The following ANKRD36 variants were observed in gnomAD, a reference collection of about 807,000 sequenced individuals.
ANKRD36 encodes the protein ankyrin repeat domain 36.
Under a neutral mutation model 278.1 loss-of-function variants are expected in ANKRD36, and 179 were observed. The ratio of observed to expected loss-of-function variants is 0.64; its 90% CI spans 0.57 to 0.73. The LOEUF is 0.73. Among genes scored for constraint, ANKRD36 ranks in the 30% least tolerant of loss-of-function variants. The probability of loss-of-function intolerance (pLI) is 0.00; values close to 1 mark genes in which losing one functional copy is unlikely to be tolerated. For missense variants in ANKRD36, 1,159 were observed against 1,956.7 expected (o/e 0.59, Z 7.69); for synonymous variants, 320 against 641.1 (o/e 0.50, Z 7.57).
At chr2:97,178,925 C>A (rs1046398648) in intron 22 of ANKRD36, among the ~76,000 whole-genome samples, 2 of 151,632 alleles carry the variant, frequency 1.3e-5, no homozygotes, top group Non-Finnish European at 2.9e-5. Flanking sequence ...CATTACTTGA[C>A]TCCCAAATGG....
At chr2:97,196,087 A>G (rs1254318687) in intron 40 of ANKRD36, among the ~76,000 whole-genome samples, 6 of 151,982 alleles carry the variant, frequency 3.9e-5, no homozygotes, top group Admixed American at 1.3e-4. Flanking sequence ...GGACACTTCC[A>G]CTGAAGAGAT....
intron 6 of ANKRD36, among the ~76,000 whole-genome samples, chr2:97,131,489 G>A (rs2040139421): frequency 6.6e-6 from 1 of 151,988 alleles, no homozygotes; most frequent in Non-Finnish European, 1.5e-5. Context: ...ACGAGCCATC[G>A]TGCTGGTCTA....
chr2:97,159,132 A>T (rs377120321), intron 17 of ANKRD36, among the ~76,000 whole-genome samples: 24 of 151,996 alleles, frequency 1.6e-4, no homozygotes, highest in Non-Finnish European at 2.9e-4. Context: ...CTCCATATCA[A>T]ATTATAGAAT....
Position 97,187,351 on chromosome 2 carries a change from C to G in ANKRD36, c.2093C>G (p.Ser698Cys). Residue 698 changes from serine to cysteine, a missense_variant, in exon 32 of 76, where the codon TCT becomes TGT. By Grantham distance (112) the Ser-to-Cys change is moderately radical. Coordinates refer to ENST00000420699, the MANE Select transcript of ANKRD36 (RefSeq NM_001354587.1). ...ALKATTDEED[S>C]VSNIATEIKD... ...CAGGCTACAACTGACGAGGAAGACT[C>G]TGTTTCGAATATAGCCACAGAAATA... 2 of 1,608,630 alleles carry G rather than the reference C, an allele frequency of 1.2e-6. No individual in the cohort carries two copies. Among genetic ancestry groups the G allele is most frequent in the Non-Finnish European group, 1.7e-6 (2 of 1,177,668 alleles).
chr2:97,200,920 A>G (rs1558721921), intron 46 of ANKRD36, among the ~76,000 whole-genome samples: 1 of 151,892 alleles, frequency 6.6e-6, no homozygotes, highest in East Asian at 1.9e-4. Context: ...TAACCCGTAG[A>G]CACTGTAGAA....
chr2:97,116,669 A>T (rs2035465819), intron 1 of ANKRD36, among the ~76,000 whole-genome samples: 2 of 152,078 alleles, frequency 1.3e-5, no homozygotes, highest in African/African-American at 4.8e-5. Context: ...TTATTTTATT[A>T]TGCATAGATT....
intron 14 of ANKRD36, 78 bp from the exon 15 acceptor site, chr2:97,154,597 G>C: frequency 8.3e-7 from 1 of 1,208,330 alleles, no homozygotes; most frequent in Non-Finnish European, 1.2e-6. Flanking sequence ...GAGGGGACCT[G>C]CATGTATAGA....
rs201425769 is a variant in ANKRD36 at position 97,135,606 on chromosome 2, A to G, written c.800-7034A>G. The stretch of plus-strand genomic sequence containing the variant: ...CCTTCTATTTGACTATATGTCAGAA[A>G]GAAGATCATCTGCTTCACGTGATCC... On this transcript the variant is annotated intron_variant, in intron 6 of 75. Transcript: ENST00000420699. 3.8e-3 allele frequency among the ~76,000 whole-genome samples: 571 copies of G among 150,914 alleles called. 18 individuals are homozygous for G. In the East Asian group the frequency reaches 0.059, roughly 16 times the overall value.
At position 97,154,666 on chromosome 2, in the gene ANKRD36, G is replaced by C; in HGVS notation, c.1194-9G>C. 1.3e-5 allele frequency: 19 copies of C among 1,480,484 alleles called. 2 individuals are homozygous for C. Among genetic ancestry groups the C allele is most frequent in the Non-Finnish European group, 1.7e-5 (19 of 1,101,082 alleles). The allele number at this position is 1,480,484 out of a possible 1,614,324, so 91.7% of individuals were successfully genotyped here. ...GTGCTCATTTTTGTAATATCTTTTT[G>C]CTCTGTAGGTGTCTCTACCTACTGG... On this transcript the variant is annotated splice_polypyrimidine_tract_variant and intron_variant, in intron 14 of 75. Coordinates refer to ENST00000420699, the MANE Select transcript of ANKRD36 (RefSeq NM_001354587.1).
chr2:97,192,440 A>C (rs1483836229), intron 36 of ANKRD36, among the ~76,000 whole-genome samples: 1 of 151,706 alleles, frequency 6.6e-6, no homozygotes, highest in African/African-American at 2.4e-5. Context: ...AGCATGATGA[A>C]CGTTTGTAGT....
chr2:97,204,262 A>C lies in ANKRD36; in HGVS notation c.3060A>C (p.Thr1020=). Residue 1020 remains threonine, a splice_region_variant and synonymous_variant, in exon 50 of 76, where the codon ACA becomes ACC. Coordinates refer to ENST00000420699, the MANE Select transcript of ANKRD36 (RefSeq NM_001354587.1). ...RGKKDGEKTR[T]VSSQKPPTLK... ...AAAAGGATGGAGAAAAAACTAGGAC[A>C]GGTAATTTTGAAAAGAGATTTAATG... 6.4e-7 allele frequency: 1 copy of C among 1,562,506 alleles called. No individual in the cohort carries two copies.
At chr2:97,200,691 A>C (rs1373449616) in intron 46 of ANKRD36, among the ~76,000 whole-genome samples, 166 bp downstream of exon 46, 1 of 151,890 alleles carries the variant, frequency 6.6e-6, no homozygotes, top group East Asian at 1.9e-4. Context: ...GCTTGTCTGC[A>C]GCATGATCTT....
In ANKRD36 at chr2:97,230,713, C is replaced by T. The variant is rs564383157; in HGVS notation, c.3952-3017C>T. ...GCATTCCTTTGGAAGAGGAGAGGCG[C>T]TCTGCTTTTTAGAGTTTCCAGTTTT... On this transcript the variant is annotated intron_variant, in intron 67 of 75. Coordinates refer to ENST00000420699, the MANE Select transcript of ANKRD36 (RefSeq NM_001354587.1). 6.3e-4 allele frequency among the ~76,000 whole-genome samples: 96 copies of T among 152,190 alleles called. No homozygotes were observed. In the East Asian group the frequency reaches 0.018, roughly 29 times the overall value.
At chr2:97,211,188 C>A (rs1356233196) in intron 56 of ANKRD36, among the ~76,000 whole-genome samples, 1 of 151,890 alleles carries the variant, frequency 6.6e-6, no homozygotes, top group East Asian at 2.0e-4. Flanking sequence ...CATGTGGGAT[C>A]CTGTAGCACC....
intron 69 of ANKRD36, among the ~76,000 whole-genome samples, chr2:97,243,212 A>G (rs796101207): frequency 1.4e-5 from 2 of 146,280 alleles, no homozygotes; most frequent in Admixed American, 6.9e-5. Flanking sequence ...ATTTTAGAGA[A>G]GCATGAGACA....
intron 6 of ANKRD36, among the ~76,000 whole-genome samples, chr2:97,128,187 C>T (rs1284385899): frequency 2.0e-5 from 3 of 150,714 alleles, no homozygotes; most frequent in South Asian, 2.1e-4. Context: ...GAGATGCAGA[C>T]GTAGAATGAT....
At chr2:97,167,329 A>G (rs1238197473) in intron 20 of ANKRD36, among the ~76,000 whole-genome samples, 2 of 152,196 alleles carry the variant, frequency 1.3e-5, no homozygotes, top group Non-Finnish European at 2.9e-5. Context: ...ATTATAGTAT[A>G]AATGGTTCTT....
chr2:97,188,381 G>T (rs530657428), intron 32 of ANKRD36, among the ~76,000 whole-genome samples: 1 of 151,542 alleles, frequency 6.6e-6, no homozygotes, highest in East Asian at 2.0e-4. Flanking sequence ...TGTCAAAATT[G>T]ATAATTGATG....
chr2:97,177,317 G>GA (rs1363866108), intron 22 of ANKRD36, among the ~76,000 whole-genome samples: 2 of 151,710 alleles, frequency 1.3e-5, no homozygotes, highest in Non-Finnish European at 2.9e-5. Context: ...CACAGAATTG[G>GA]AAAAAACTAC....
Sources: allele counts gnomAD v4.1 joint callset (sites outside exome capture counted in the v4.1 genomes callset), GRCh38; gene constraint gnomAD v4.1.1; transcripts MANE v1.5; gene names NCBI Gene and HGNC (gene_info 2026-07-23, HGNC 2026-07-21).